The following PGBD5 variants were observed in gnomAD, a reference collection of about 807,000 sequenced individuals.
PGBD5 encodes piggyBac transposable element-derived protein 5.
A neutral mutation model predicts 47.9 loss-of-function variants in PGBD5; 14 were observed. The observed-to-expected ratio is 0.29, with a 90% CI of 0.19 to 0.46. The LOEUF (loss-of-function observed/expected upper bound fraction) is 0.46. Among genes scored for constraint, PGBD5 ranks in the 20% least tolerant of loss-of-function variants. PGBD5 has a pLI of 1.00. For synonymous variants in PGBD5, 316 were observed against 306.3 expected (o/e 1.03, Z -0.33); for missense variants, 635 against 716.0 (o/e 0.89, Z 1.29).
At chr1:230,370,954 A>G (rs971764287) in intron 1 of PGBD5, among the ~76,000 whole-genome samples, 2 of 152,150 alleles carry the variant, frequency 1.3e-5, no homozygotes, top group African/African-American at 4.8e-5. Context: ...GCTGAATCAC[A>G]TTTCCTGGTG....
intron 4 of PGBD5, among the ~76,000 whole-genome samples, chr1:230,333,924 C>A (rs1341532020): frequency 6.6e-6 from 1 of 152,182 alleles, no homozygotes; most frequent in Non-Finnish European, 1.5e-5. Flanking sequence ...CCTGCTGGGA[C>A]AGAAGGCCAC....
intron 1 of PGBD5, among the ~76,000 whole-genome samples, chr1:230,370,691 T>C (rs1425096526): frequency 6.6e-6 from 1 of 152,234 alleles, no homozygotes; most frequent in Non-Finnish European, 1.5e-5. Flanking sequence ...ATAGCCCAGA[T>C]GGTCCAGCTC....
chr1:230,365,019 CA>C (rs879775744), intron 1 of PGBD5, among the ~76,000 whole-genome samples: 135 of 100,014 alleles, frequency 1.3e-3, no homozygotes, highest in Admixed American at 1.4e-3. Context: ...GACTCCATCT[CA>C]AAAAAAAAAA....
chr1:230,358,068 A>G (rs1667684355), intron 1 of PGBD5, among the ~76,000 whole-genome samples: 1 of 152,190 alleles, frequency 6.6e-6, no homozygotes, highest in African/African-American at 2.4e-5. Flanking sequence ...TCGATGTATA[A>G]ATGTTTATAT....
intron 4 of PGBD5, among the ~76,000 whole-genome samples, chr1:230,334,018 C>G (rs1667264129): frequency 6.6e-6 from 1 of 152,246 alleles, no homozygotes; most frequent in African/African-American, 2.4e-5. Context: ...TTACTCTCTG[C>G]TCAGCTCCCG....
intron 1 of PGBD5, among the ~76,000 whole-genome samples, chr1:230,402,900 G>C (rs555783407): frequency 6.6e-6 from 1 of 152,336 alleles, no homozygotes; most frequent in South Asian, 2.1e-4. Flanking sequence ...CATTGAACTT[G>C]ATGTTCCAGA....
At position 230,325,292 on chromosome 1, in the gene PGBD5, A is replaced by G; in HGVS notation, c.1379+18T>C. On this transcript the variant is annotated intron_variant, in intron 6 of 6. Coordinates refer to ENST00000391860, the MANE Select transcript of PGBD5 (RefSeq NM_001258311.2). ...AACTATGAGAGCCCTTCTGTCATGGAGGTGCCCAGCCACTTACTTGCTGTA... is the reference window on the plus strand; with the variant it reads ...AACTATGAGAGCCCTTCTGTCATGGGGGTGCCCAGCCACTTACTTGCTGTA... The G allele has an allele frequency of 6.3e-7, 1 of 1,577,516 alleles. No individual in the cohort carries two copies. The highest frequency in any genetic ancestry group is 8.7e-7 in the Non-Finnish European group (1 of 1,149,654).
intron 1 of PGBD5, among the ~76,000 whole-genome samples, chr1:230,382,206 C>T (rs1656519015): frequency 6.6e-6 from 1 of 152,200 alleles, no homozygotes; most frequent in Admixed American, 6.5e-5. Flanking sequence ...CCCTGAGTGT[C>T]TCGCTGCAGA....
rs182505913 is a variant in PGBD5, at chr1:230,317,568, G to A, written c.*5857C>T. 4.6e-5 allele frequency: 7 copies of A among 152,260 alleles called. No homozygotes were observed. The highest frequency in any genetic ancestry group is 2.6e-4 in the Admixed American group (4 of 15,296). 9.4% of individuals were successfully genotyped at this position (152,260 alleles called of 1,614,324 possible). ...CGAGACGCACCAAGAACAGAGGTGCGCTGCCGGGGGCTGACCCTTGGGGAG... is the reference window on the plus strand; with the variant it reads ...CGAGACGCACCAAGAACAGAGGTGCACTGCCGGGGGCTGACCCTTGGGGAG... On this transcript the variant is annotated 3_prime_UTR_variant, in exon 7 of 7. Transcript: ENST00000391860.
At chr1:230,397,810 T>C (rs780735053) in intron 1 of PGBD5, among the ~76,000 whole-genome samples, 1 of 152,174 alleles carries the variant, frequency 6.6e-6, no homozygotes, top group Non-Finnish European at 1.5e-5. Context: ...TCCTTATGTG[T>C]CTTGCCTTCT....
At chr1:230,333,329 A>T (rs1313267339) in intron 4 of PGBD5, among the ~76,000 whole-genome samples, 1 of 152,202 alleles carries the variant, frequency 6.6e-6, no homozygotes, top group East Asian at 1.9e-4. Context: ...CGGCAGCAGC[A>T]GCAGGAGCTG....
At chr1:230,390,542 C>T (rs934627130) in intron 1 of PGBD5, among the ~76,000 whole-genome samples, 2 of 152,100 alleles carry the variant, frequency 1.3e-5, no homozygotes, top group Non-Finnish European at 2.9e-5. Flanking sequence ...AGTCTAAGGT[C>T]GGGCATCTCA....
At chr1:230,342,910 G>A (rs1351601889) in intron 3 of PGBD5, among the ~76,000 whole-genome samples, 1 of 152,180 alleles carries the variant, frequency 6.6e-6, no homozygotes. Flanking sequence ...AGCCACACTG[G>A]TCACAATGCA....
At chr1:230,362,094 C>T (rs115310452) in intron 1 of PGBD5, among the ~76,000 whole-genome samples, 4,114 of 152,312 alleles carry the variant, frequency 0.027, 182 homozygotes, top group African/African-American at 0.092. Context: ...TGTCACAGGG[C>T]TCACACTTGC....
intron 1 of PGBD5, among the ~76,000 whole-genome samples, chr1:230,370,509 C>G (rs543831780): frequency 6.6e-6 from 1 of 152,336 alleles, no homozygotes; most frequent in Non-Finnish European, 1.5e-5. Flanking sequence ...TGTGTTCTGT[C>G]TGCTTTGCAC....
At chr1:230,350,816 C>G in intron 3 of PGBD5, 142 bp downstream of exon 3, 1 of 1,256,726 alleles carries the variant, frequency 8.0e-7, no homozygotes, top group Non-Finnish European at 1.1e-6. Context: ...CCCTGGCCTC[C>G]GCAGGAGCAT....
chr1:230,360,281 A>G (rs1020624446), intron 1 of PGBD5, among the ~76,000 whole-genome samples: 2 of 150,170 alleles, frequency 1.3e-5, no homozygotes, highest in South Asian at 2.1e-4. Context: ...TTTGGTTTTG[A>G]TTTACAAGCA....
At chr1:230,410,329 G>C (rs1364284472) in intron 1 of PGBD5, among the ~76,000 whole-genome samples, 1 of 152,070 alleles carries the variant, frequency 6.6e-6, no homozygotes, top group Non-Finnish European at 1.5e-5. Flanking sequence ...AAATAATAAA[G>C]ACATGAAGAA....
intron 4 of PGBD5, among the ~76,000 whole-genome samples, chr1:230,334,915 C>T (rs1355248279): frequency 1.3e-5 from 2 of 152,070 alleles, no homozygotes; most frequent in Non-Finnish European, 2.9e-5. Flanking sequence ...CTCCTCAGAA[C>T]CACAGGAGCA....
Sources: allele counts gnomAD v4.1 joint callset (sites outside exome capture counted in the v4.1 genomes callset), GRCh38; gene constraint gnomAD v4.1.1; transcripts MANE v1.5; gene names NCBI Gene and HGNC (gene_info 2026-07-23, HGNC 2026-07-21).